The following CFAP95 variants were observed in gnomAD, a reference collection of about 807,000 sequenced individuals.
The protein encoded by CFAP95 is cilia- and flagella-associated protein 95.
At chr9:69,825,713 G>C in the CFAP95 span, among the ~76,000 whole-genome samples, 4 of 152,142 alleles carry the variant, frequency 2.6e-5, no homozygotes, top group Non-Finnish European at 5.9e-5. Context: ...GAAATACTAA[G>C]AACCACAGCA....
chr9:69,901,349 G>C, the CFAP95 span, among the ~76,000 whole-genome samples: 1 of 152,130 alleles, frequency 6.6e-6, no homozygotes, highest in African/African-American at 2.4e-5. Flanking sequence ...GTGTTAGCTA[G>C]GATGGTCTCG....
the CFAP95 span, among the ~76,000 whole-genome samples, chr9:69,843,601 T>G: frequency 0.014 from 893 of 64,302 alleles, 67 homozygotes; most frequent in Middle Eastern, 0.03. Context: ...CTTCTTCTTC[T>G]TCTTCTTCTT....
At chr9:69,900,931 A>G in the CFAP95 span, among the ~76,000 whole-genome samples, 1 of 152,050 alleles carries the variant, frequency 6.6e-6, no homozygotes, top group South Asian at 2.1e-4. Context: ...TTTGTTACAT[A>G]TGTATACATG....
the CFAP95 span, among the ~76,000 whole-genome samples, chr9:69,870,238 G>A: frequency 6.6e-6 from 1 of 152,054 alleles, no homozygotes; most frequent in African/African-American, 2.4e-5. Context: ...GAAGAGTTAG[G>A]CACCGGGAAT....
the CFAP95 span, among the ~76,000 whole-genome samples, chr9:69,895,785 T>G: frequency 1.3e-5 from 2 of 152,104 alleles, no homozygotes; most frequent in Non-Finnish European, 1.5e-5. Context: ...TGCCTTATGT[T>G]GCCTCTGAAG....
chr9:69,853,927 T>G, the CFAP95 span, among the ~76,000 whole-genome samples: 1 of 152,210 alleles, frequency 6.6e-6, no homozygotes, highest in Non-Finnish European at 1.5e-5. Context: ...AAAGAAGGAC[T>G]TTCCCTGGAA....
At chr9:69,874,389 G>C in the CFAP95 span, among the ~76,000 whole-genome samples, 3 of 152,164 alleles carry the variant, frequency 2.0e-5, no homozygotes, top group Non-Finnish European at 4.4e-5. Flanking sequence ...AGAGCAAGGG[G>C]AGTTGGTTAC....
chr9:69,850,774 C>T, the CFAP95 span, among the ~76,000 whole-genome samples: 1 of 152,160 alleles, frequency 6.6e-6, no homozygotes, highest in Admixed American at 6.5e-5. Context: ...CTTCTTGCTT[C>T]CTGTCTCCAT....
chr9:69,899,385 G>A, the CFAP95 span, among the ~76,000 whole-genome samples: 1 of 152,246 alleles, frequency 6.6e-6, no homozygotes, highest in Non-Finnish European at 1.5e-5. Flanking sequence ...CCCACCACCA[G>A]TGGGAAAACA....
the CFAP95 span, among the ~76,000 whole-genome samples, chr9:69,843,389 C>T: frequency 2.0e-5 from 3 of 150,938 alleles, no homozygotes; most frequent in Admixed American, 6.6e-5. Context: ...CAGTTGCCAG[C>T]CACTTCTCCT....
chr9:69,844,765 C>T, the CFAP95 span: 2 of 568,414 alleles, frequency 3.5e-6, no homozygotes, highest in Non-Finnish European at 6.0e-6. Flanking sequence ...TCACTGTGTG[C>T]TGAAGCAACA....
the CFAP95 span, among the ~76,000 whole-genome samples, chr9:69,904,721 C>A: frequency 6.6e-6 from 1 of 152,176 alleles, no homozygotes; most frequent in Non-Finnish European, 1.5e-5. Context: ...GCTCAAATCT[C>A]ATTTAAAGGA....
chr9:69,899,912 T>C, the CFAP95 span, among the ~76,000 whole-genome samples: 2 of 152,226 alleles, frequency 1.3e-5, no homozygotes, highest in African/African-American at 4.8e-5. Flanking sequence ...CCTGTGGATG[T>C]CAGCCCATAG....
chr9:69,856,332 A>T, the CFAP95 span, among the ~76,000 whole-genome samples: 1 of 152,248 alleles, frequency 6.6e-6, no homozygotes, highest in Non-Finnish European at 1.5e-5. Context: ...TTTCTGTTTC[A>T]TAGAAACAAC....
At chr9:69,828,366 TTC>T in the CFAP95 span, among the ~76,000 whole-genome samples, 3 of 152,204 alleles carry the variant, frequency 2.0e-5, no homozygotes, top group Admixed American at 6.5e-5. Flanking sequence ...TGTACTGGAA[TTC>T]TCTCTTTGGT....
chr9:69,904,632 GCT>G, the CFAP95 span, among the ~76,000 whole-genome samples: 1 of 152,076 alleles, frequency 6.6e-6, no homozygotes, highest in African/African-American at 2.4e-5. Flanking sequence ...TGTATTTGAG[GCT>G]CTCTTCAGTT....
the CFAP95 span, among the ~76,000 whole-genome samples, chr9:69,899,972 T>A: frequency 6.6e-6 from 1 of 152,218 alleles, no homozygotes; most frequent in Non-Finnish European, 1.5e-5. Context: ...ATCAAAACCA[T>A]GAGTACAACT....
the CFAP95 span, among the ~76,000 whole-genome samples, chr9:69,876,453 A>C: frequency 2.0e-4 from 30 of 151,838 alleles, no homozygotes; most frequent in Non-Finnish European, 4.3e-4. Context: ...GAATTGCTTG[A>C]ACCTGGGAGG....
chr9:69,891,751 G>T, the CFAP95 span, among the ~76,000 whole-genome samples: 8 of 151,676 alleles, frequency 5.3e-5, no homozygotes, highest in Non-Finnish European at 8.8e-5. Context: ...CCTCTTTTAC[G>T]CAGTTTGAAT....
Sources: allele counts gnomAD v4.1 joint callset (sites outside exome capture counted in the v4.1 genomes callset), GRCh38; gene constraint gnomAD v4.1.1; transcripts MANE v1.5; gene names NCBI Gene and HGNC (gene_info 2026-07-23, HGNC 2026-07-21).